The following VPS13B variants were observed in gnomAD, a reference collection of about 807,000 sequenced individuals.
VPS13B encodes the protein intermembrane lipid transfer protein VPS13B.
VPS13B carries 285 observed loss-of-function variants against 426.4 expected under a neutral mutation model. The ratio of observed to expected loss-of-function variants is 0.67; its 90% CI spans 0.61 to 0.74. The LOEUF is 0.74. VPS13B is among the 30% of genes least tolerant of loss of function. The pLI, the probability that VPS13B is intolerant of heterozygous loss-of-function variation, is 0.00. For missense variants in VPS13B, 4,537 were observed against 4,782.6 expected (o/e 0.95, Z 1.51); for synonymous variants, 1,676 against 1,676.4 (o/e 1.00, Z 0.01).
At chr8:99,875,165 A>C in intron 61 of VPS13B, 1 of 534,858 alleles carries the variant, frequency 1.9e-6, no homozygotes, top group Non-Finnish European at 3.4e-6. Flanking sequence ...AAACATGGGA[A>C]TTTTATGCAA....
chr8:99,372,148 G>A (rs1220182792), intron 19 of VPS13B, among the ~76,000 whole-genome samples: 1 of 151,424 alleles, frequency 6.6e-6, no homozygotes, highest in Non-Finnish European at 1.5e-5. Context: ...CTACTCGGGA[G>A]GCTGAGGCAG....
intron 15 of VPS13B, among the ~76,000 whole-genome samples, chr8:99,165,030 C>T (rs1191926688): frequency 6.6e-6 from 1 of 152,094 alleles, no homozygotes; most frequent in African/African-American, 2.4e-5. Flanking sequence ...TGGCATGGAT[C>T]TGTATGGAAA....
At chr8:99,233,816 A>C (rs1816491366) in intron 17 of VPS13B, 1 of 778,524 alleles carries the variant, frequency 1.3e-6, no homozygotes, top group African/African-American at 1.7e-5. Context: ...CACGATTTTC[A>C]GAGGAATCTC....
chr8:99,610,103 C>A (rs540314706), intron 33 of VPS13B, among the ~76,000 whole-genome samples: 24 of 152,096 alleles, frequency 1.6e-4, no homozygotes, highest in Non-Finnish European at 2.9e-4. Context: ...AATGGAAAGT[C>A]ATTTGTCATT....
chr8:99,665,384 G>A (rs956878853), intron 35 of VPS13B, among the ~76,000 whole-genome samples: 4 of 152,100 alleles, frequency 2.6e-5, no homozygotes. Flanking sequence ...TAGACATGAA[G>A]TCCTTGCCCA....
intron 32 of VPS13B, among the ~76,000 whole-genome samples, chr8:99,576,717 A>G (rs4391399): frequency 0.18 from 26,762 of 152,042 alleles, 2,870 homozygotes; most frequent in East Asian, 0.39. Context: ...AAGTGAAACT[A>G]TTGTATTGGT....
chr8:99,581,028 CACAA>C (rs1826031368), intron 33 of VPS13B, among the ~76,000 whole-genome samples: 2 of 144,840 alleles, frequency 1.4e-5, no homozygotes, highest in African/African-American at 5.3e-5. Flanking sequence ...CACACACACA[CACAA>C]ATTAGGCAGG....
chr8:99,643,296 AG>A (rs763955277), intron 34 of VPS13B, among the ~76,000 whole-genome samples: 7 of 152,208 alleles, frequency 4.6e-5, no homozygotes, highest in Non-Finnish European at 1.0e-4. Flanking sequence ...TAGCAAGCTC[AG>A]GAATAGTTCA....
intron 42 of VPS13B, among the ~76,000 whole-genome samples, chr8:99,780,229 C>A (rs1464086205): frequency 6.6e-6 from 1 of 152,042 alleles, no homozygotes; most frequent in Non-Finnish European, 1.5e-5. Context: ...ACCTCTATGG[C>A]TCCAATTTCT....
At chr8:99,271,245 CT>C (rs1563639189) in intron 17 of VPS13B, among the ~76,000 whole-genome samples, 1 of 146,002 alleles carries the variant, frequency 6.8e-6, no homozygotes, top group African/African-American at 2.5e-5. Context: ...ACTACTACTA[CT>C]ACGATGATGA....
intron 17 of VPS13B, among the ~76,000 whole-genome samples, chr8:99,236,371 T>A (rs1490661140): frequency 6.6e-6 from 1 of 152,132 alleles, no homozygotes; most frequent in Non-Finnish European, 1.5e-5. Flanking sequence ...TGACTCAGTC[T>A]CCTGAGTAGC....
intron 19 of VPS13B, among the ~76,000 whole-genome samples, chr8:99,330,923 A>G (rs889499979): frequency 4.0e-5 from 6 of 151,812 alleles, no homozygotes; most frequent in African/African-American, 1.4e-4. Flanking sequence ...GCATTAGAGT[A>G]TTAGGTGAAG....
chr8:99,559,674 C>T (rs1341526593), intron 31 of VPS13B, among the ~76,000 whole-genome samples: 2 of 152,146 alleles, frequency 1.3e-5, no homozygotes, highest in Admixed American at 1.3e-4. Context: ...ATCCTTTCCC[C>T]ATTGCTTGTT....
intron 32 of VPS13B, among the ~76,000 whole-genome samples, chr8:99,576,028 A>T (rs1825759017): frequency 6.6e-6 from 1 of 152,132 alleles, no homozygotes; most frequent in Non-Finnish European, 1.5e-5. Flanking sequence ...TATTTTGTAG[A>T]TGACAAAACT....
At chr8:99,183,219 C>T (rs1813038562) in intron 16 of VPS13B, among the ~76,000 whole-genome samples, 2 of 152,156 alleles carry the variant, frequency 1.3e-5, no homozygotes, top group Non-Finnish European at 2.9e-5. Flanking sequence ...TATTTAACAT[C>T]AGTACTTTTG....
intron 16 of VPS13B, among the ~76,000 whole-genome samples, chr8:99,176,547 G>A (rs770763072): frequency 3.9e-5 from 6 of 152,154 alleles, no homozygotes; most frequent in Admixed American, 2.0e-4. Flanking sequence ...TGCTTGATAT[G>A]TACCACAGAT....
chr8:99,503,473 G>C (rs1821344243), intron 27 of VPS13B, among the ~76,000 whole-genome samples: 2 of 152,148 alleles, frequency 1.3e-5, no homozygotes, highest in Non-Finnish European at 2.9e-5. Context: ...ATGTGATGCT[G>C]TTTAGTGGCA....
intron 34 of VPS13B, among the ~76,000 whole-genome samples, chr8:99,652,918 G>T (rs1357433697): frequency 6.6e-6 from 1 of 152,094 alleles, no homozygotes; most frequent in Non-Finnish European, 1.5e-5. Context: ...AGGCATTCTA[G>T]TGTATCACTC....
At chr8:99,722,999 A>G (rs991115761) in intron 39 of VPS13B, among the ~76,000 whole-genome samples, 1 of 152,212 alleles carries the variant, frequency 6.6e-6, no homozygotes, top group African/African-American at 2.4e-5. Context: ...AATTATATTA[A>G]TTAAGGCATC....
Sources: gnomAD v4.1 joint callset for allele counts (sites outside exome capture counted in the v4.1 genomes callset) on GRCh38, gnomAD v4.1.1 for gene constraint, MANE v1.5 for transcripts, NCBI Gene and HGNC (gene_info 2026-07-23, HGNC 2026-07-21) for gene names.